AMOTL1: variants seen among roughly 807,000 people sequenced by gnomAD.
AMOTL1 encodes angiomotin-like protein 1.
Under a neutral mutation model 102.9 loss-of-function variants are expected in AMOTL1, and 45 were observed. The ratio of observed to expected loss-of-function variants is 0.44; its 90% CI spans 0.34 to 0.56. AMOTL1 has a LOEUF of 0.56. Among genes scored for constraint, AMOTL1 ranks in the 20% least tolerant of loss-of-function variants. AMOTL1 has a pLI of 0.01. For synonymous variants in AMOTL1, 481 were observed against 484.7 expected, an observed-to-expected ratio of 0.99 and a Z score of 0.10; for missense variants, 1,114 against 1,225.6, an observed-to-expected ratio of 0.91 and a Z score of 1.36.
chr11:94,874,235 G>A lies in AMOTL1; in HGVS notation c.*3440G>A, dbSNP rs1179026023. The A allele has an allele frequency of 6.6e-6, 1 of 152,240 alleles. No individual in the cohort carries two copies. Among genetic ancestry groups the A allele is most frequent in the African/African-American group, 2.4e-5 (1 of 41,456 alleles). The allele number at this position is 152,240 out of a possible 1,614,324, so 9.4% of individuals were successfully genotyped here. Reference sequence around the variant, plus strand: ...GTCTGCAGGTCCATATAGCTAAGCTGCCAGGAAAAACACATTATCTTCCAA... The same window carrying A: ...GTCTGCAGGTCCATATAGCTAAGCTACCAGGAAAAACACATTATCTTCCAA... On this transcript the variant is annotated 3_prime_UTR_variant, in exon 13 of 13. Transcript: ENST00000433060.
rs748173930 is a variant in AMOTL1, at chr11:94,831,486, C to T, written c.1593C>T (p.Ser531=). Reference sequence around the variant, plus strand: ...AGACTGCTAACAGGCAACTATCCAGCAGGGAATACGAAGGGCATGAAGACA... The same window carrying T: ...AGACTGCTAACAGGCAACTATCCAGTAGGGAATACGAAGGGCATGAAGACA... ...RLETANRQLS[S]REYEGHEDKA... Residue 531 remains serine (S), a synonymous_variant, in exon 6 of 13, where the codon AGC becomes AGT. Coordinates refer to ENST00000433060, the MANE Select transcript of AMOTL1 (RefSeq NM_130847.3). 2 of 1,613,894 alleles carry T rather than the reference C, an allele frequency of 1.2e-6. No homozygotes were observed. The highest frequency in any genetic ancestry group is 1.7e-5 in the Admixed American group (1 of 60,022).
intron 1 of AMOTL1, among the ~76,000 whole-genome samples, chr11:94,771,174 T>C (rs951462325): frequency 1.1e-4 from 16 of 145,454 alleles, no homozygotes; most frequent in African/African-American, 2.5e-4. Flanking sequence ...TAAAAAGAAG[T>C]AACTTTATAG....
At chr11:94,733,596 A>C (rs1387100738) in intron 2 of AMOTL1, among the ~76,000 whole-genome samples, 1 of 152,258 alleles carries the variant, frequency 6.6e-6, no homozygotes, top group Non-Finnish European at 1.5e-5. Context: ...TGAAAGAAGC[A>C]ATTCCCCCTC....
intron 1 of AMOTL1, among the ~76,000 whole-genome samples, chr11:94,723,749 T>A (rs1950211603): frequency 6.6e-6 from 1 of 151,618 alleles, no homozygotes; most frequent in Admixed American, 6.6e-5. Context: ...TGTACTTTTA[T>A]TCATGTAAAA....
intron 3 of AMOTL1, among the ~76,000 whole-genome samples, chr11:94,802,385 G>A (rs1951494992): frequency 1.3e-5 from 2 of 152,192 alleles, no homozygotes; most frequent in African/African-American, 4.8e-5. Flanking sequence ...TAGAGGGGAA[G>A]CTATCCTGAA....
intron 1 of AMOTL1, among the ~76,000 whole-genome samples, chr11:94,724,064 T>C (rs948621387): frequency 6.6e-6 from 1 of 152,156 alleles, no homozygotes; most frequent in East Asian, 1.9e-4. Context: ...AGATCCTAGA[T>C]GACGGAGATC....
In AMOTL1 at chr11:94,800,076, C is replaced by A. The variant is rs1951445912; in HGVS notation, c.886C>A (p.Pro296Thr). ...KGFKVGGGPSPAQPAGKVLDP... is the reference protein window; with the variant it reads ...KGFKVGGGPSTAQPAGKVLDP... ...CTTCAAAGTAGGAGGGGGGCCCTCCCCTGCCCAGCCTGCAGGTAAAGTGCT... is the reference window on the plus strand; with the variant it reads ...CTTCAAAGTAGGAGGGGGGCCCTCCACTGCCCAGCCTGCAGGTAAAGTGCT... The change falls in exon 3 of 13, where the codon CCT becomes ACT. Residue 296 changes from proline (P) to threonine (T), a missense_variant. Physicochemically the swap from Pro to Thr is conservative, Grantham distance 38 (BLOSUM62 -1). Transcript: ENST00000433060. The A allele has an allele frequency of 6.2e-7, 1 of 1,613,818 alleles. No homozygotes were observed. The highest frequency in any genetic ancestry group is 1.3e-5 in the African/African-American group (1 of 74,942).
rs780918965 is a variant in AMOTL1, at chr11:94,795,131, A to G, written c.170A>G (p.Glu57Gly). Reference sequence around the variant, plus strand: ...CATGAAACATCTGCTTTGACGGTGGAGGCAACCAGTAGCATCAGGGAAAAA... The same window carrying G: ...CATGAAACATCTGCTTTGACGGTGGGGGCAACCAGTAGCATCAGGGAAAAA... Reference protein sequence around the residue: ...GRHETSALTVEATSSIREKVV... With the variant: ...GRHETSALTVGATSSIREKVV... Residue 57 changes from glutamate to glycine, a missense_variant, in exon 2 of 13, where the codon GAG (glutamate) becomes GGG (glycine). Coordinates refer to ENST00000433060, the MANE Select transcript of AMOTL1 (RefSeq NM_130847.3). The G allele has an allele frequency of 6.2e-7, 1 of 1,613,872 alleles. No homozygotes were observed. The highest frequency in any genetic ancestry group is 8.5e-7 in the Non-Finnish European group (1 of 1,179,842).
intron 1 of AMOTL1, among the ~76,000 whole-genome samples, chr11:94,713,908 A>T (rs1950055487): frequency 6.6e-6 from 1 of 151,700 alleles, no homozygotes; most frequent in Non-Finnish European, 1.5e-5. Context: ...GCCTTATTGC[A>T]CTGGCTAGAC....
intron 1 of AMOTL1, among the ~76,000 whole-genome samples, chr11:94,720,689 T>TA (rs1950162280): frequency 6.6e-6 from 1 of 152,220 alleles, no homozygotes; most frequent in Admixed American, 6.5e-5. Flanking sequence ...TCTGCCTCTA[T>TA]ATTCCTGACA....
chr11:94,823,952 C>T (rs1951916960), intron 4 of AMOTL1, among the ~76,000 whole-genome samples: 1 of 151,986 alleles, frequency 6.6e-6, no homozygotes, highest in South Asian at 2.1e-4. Flanking sequence ...ATCTCCTGAC[C>T]TCGTGATCCG....
chr11:94,777,986 C>T (rs977227398), intron 1 of AMOTL1, among the ~76,000 whole-genome samples: 2 of 152,082 alleles, frequency 1.3e-5, no homozygotes, highest in African/African-American at 4.8e-5. Flanking sequence ...CCTTTGCTCC[C>T]CATGGAATTC....
intron 1 of AMOTL1, among the ~76,000 whole-genome samples, chr11:94,726,259 G>A (rs1698040682): frequency 6.6e-6 from 1 of 152,102 alleles, no homozygotes; most frequent in South Asian, 2.1e-4. Context: ...CCATTCTGCT[G>A]GTCTGTCTCA....
chr11:94,712,298 G>A (rs1950032502), intron 1 of AMOTL1, among the ~76,000 whole-genome samples: 1 of 151,988 alleles, frequency 6.6e-6, no homozygotes, highest in African/African-American at 2.4e-5. Flanking sequence ...CTAGCTATAT[G>A]CAGAAGAATG....
chr11:94,732,489 C>T (rs1430859), intron 2 of AMOTL1, among the ~76,000 whole-genome samples: 111,949 of 151,980 alleles, frequency 0.74, 43,754 homozygotes, highest in Middle Eastern at 0.9. Context: ...ACTGGGTTTT[C>T]AAACTCATTT....
chr11:94,712,060 C>A (rs1950029679), intron 1 of AMOTL1, among the ~76,000 whole-genome samples: 1 of 152,016 alleles, frequency 6.6e-6, no homozygotes, highest in Non-Finnish European at 1.5e-5. Context: ...TATGTTACCA[C>A]CAGCAATATA....
upstream of AMOTL1, chr11:94,768,201 C>T (rs769461735): frequency 2.0e-5 from 21 of 1,050,668 alleles, no homozygotes; most frequent in African/African-American, 3.4e-5. Context: ...CTGGCAGTCT[C>T]GCGGCCCGGG....
At chr11:94,736,801 GGTA>G (rs1186594379) in intron 2 of AMOTL1, among the ~76,000 whole-genome samples, 2 of 152,130 alleles carry the variant, frequency 1.3e-5, no homozygotes, top group African/African-American at 4.8e-5. Context: ...GTCAAGTGTG[GGTA>G]GGCACTTTGG....
At chr11:94,840,681 T>TATATATATATATATACACAC (rs1166713705) in intron 6 of AMOTL1, among the ~76,000 whole-genome samples, 7 of 104,786 alleles carry the variant, frequency 6.7e-5, no homozygotes, top group African/African-American at 2.8e-4. Flanking sequence ...TATATATATA[T>TATATATATATATATACACAC]ACACACACAC....
Sources: allele counts gnomAD v4.1 joint callset (sites outside exome capture counted in the v4.1 genomes callset), GRCh38; gene constraint gnomAD v4.1.1; transcripts MANE v1.5; gene names NCBI Gene and HGNC (gene_info 2026-07-23, HGNC 2026-07-21).